PLCE1: variants seen among roughly 807,000 people sequenced by gnomAD.
PLCE1 encodes the protein 1-phosphatidylinositol 4,5-bisphosphate phosphodiesterase epsilon-1.
In PLCE1, 119 loss-of-function variants were observed where a neutral mutation model predicts 242.8. The ratio of observed to expected loss-of-function variants is 0.49; its 90% CI spans 0.42 to 0.57. The LOEUF is 0.57. Ranked by LOEUF, PLCE1 falls within the 20% of genes least tolerant of loss-of-function variation. The probability of loss-of-function intolerance (pLI) is 0.00; values close to 1 mark genes in which losing one functional copy is unlikely to be tolerated. For synonymous variants in PLCE1, 945 were observed against 1,017.4 expected (o/e 0.93, Z 1.35); for missense variants, 2,441 against 2,788.8 (o/e 0.88, Z 2.81).
Position 94,262,577 on chromosome 10 carries a change from G to A in PLCE1, c.3898G>A (p.Asp1300Asn). 1 of 1,614,018 alleles carries A rather than the reference G, an allele frequency of 6.2e-7. No homozygotes were observed. The highest frequency in any genetic ancestry group is 8.5e-7 in the Non-Finnish European group (1 of 1,179,870). ...ATCGGACAACCAGAGGCAGATATCT[G>A]ATGCCATTGCTGCTGCAAGCATTGT... ...QLSDNQRQISDAIAAASIVTN... is the reference protein window; with the variant it reads ...QLSDNQRQISNAIAAASIVTN... The change falls in exon 14 of 33, where the codon GAT becomes AAT. Residue 1300 changes from aspartate (D) to asparagine (N), a missense_variant. Coordinates refer to ENST00000371380, the MANE Select transcript of PLCE1 (RefSeq NM_016341.4).
chr10:94,121,409 A>T (rs1323778154), intron 2 of PLCE1, among the ~76,000 whole-genome samples: 1 of 152,138 alleles, frequency 6.6e-6, no homozygotes, highest in Non-Finnish European at 1.5e-5. Flanking sequence ...ATGCTACCAA[A>T]TAGCTAGGAG....
rs980868885 is a variant in PLCE1 at position 94,321,850 on chromosome 10, T to C, written c.6343-51T>C. ...AGATTTTTGCTAGATTTGTCTTTCT[T>C]TATTCTGCATAAACCTATTATTTAC... On this transcript the variant is annotated intron_variant, in intron 29 of 32. Transcript: ENST00000371380. 2.1e-6 allele frequency: 3 copies of C among 1,431,346 alleles called. No individual in the cohort carries two copies. The African/African-American group carries it at 4.2e-5, about 20-fold the overall frequency. The allele number at this position is 1,431,346 out of a possible 1,614,324, so 88.7% of individuals were successfully genotyped here. A position where few individuals can be genotyped will look rare whatever the true frequency, so the allele number is the denominator to read the frequency against.
At chr10:94,036,376 C>G (rs17506505) in intron 2 of PLCE1, among the ~76,000 whole-genome samples, 2,887 of 152,292 alleles carry the variant, frequency 0.019, 33 homozygotes, top group Middle Eastern at 0.027. Flanking sequence ...CAATCCTTCC[C>G]ACACATTTAA....
At chr10:94,160,709 AATGGTATTGCC>A (rs1179363854) in intron 3 of PLCE1, among the ~76,000 whole-genome samples, 1 of 152,074 alleles carries the variant, frequency 6.6e-6, no homozygotes, top group Non-Finnish European at 1.5e-5. Flanking sequence ...CTATGTCCTG[AATGGTATTGCC>A]TAGGTTTTCT....
At chr10:94,207,553 GTA>G (rs1554884277) in intron 4 of PLCE1, among the ~76,000 whole-genome samples, 3 of 120,808 alleles carry the variant, frequency 2.5e-5, no homozygotes, top group African/African-American at 9.1e-5. Context: ...GTGTGTGTGT[GTA>G]TAGACTTTTT....
chr10:94,159,019 G>A (rs946046590), intron 3 of PLCE1, among the ~76,000 whole-genome samples: 9 of 151,256 alleles, frequency 6.0e-5, no homozygotes, highest in African/African-American at 1.5e-4. Context: ...TATTTTCCAC[G>A]TTTTCACAGT....
At chr10:94,284,481 C>G (rs1299033418) in intron 21 of PLCE1, among the ~76,000 whole-genome samples, 1 of 152,156 alleles carries the variant, frequency 6.6e-6, no homozygotes, top group Non-Finnish European at 1.5e-5. Flanking sequence ...TTTATAGACT[C>G]TGAGCAAATC....
rs753613487 is a variant in PLCE1 at position 94,259,007 on chromosome 10, C to T, written c.3678-7C>T. On this transcript the variant is annotated splice_region_variant and splice_polypyrimidine_tract_variant and intron_variant, in intron 12 of 32. Transcript: ENST00000371380. ...TCAATGAGAGGTGTTTTCCATTCCT[C>T]ATTCAGTGTCAGGAGCCGCAAGGAC... The T allele has an allele frequency of 5.6e-6, 9 of 1,613,972 alleles. No homozygotes were observed. In the African/African-American group the frequency reaches 9.3e-5, roughly 17 times the overall value.
rs746486644 is a variant in PLCE1, at chr10:94,252,319, G to A, written c.3100G>A (p.Asp1034Asn). 10 of 1,614,022 alleles carry A rather than the reference G, an allele frequency of 6.2e-6. No homozygotes were observed. Among genetic ancestry groups the A allele is most frequent in the Non-Finnish European group, 8.5e-6 (10 of 1,179,926 alleles). The stretch of plus-strand genomic sequence containing the variant: ...TCACCATGTGGCTCTTTCACAGGAG[G>A]ATGGACGGTATGAAGGCCCAACTTT... ...RKQYVSLYQEDGRYEGPTLAH... is the reference protein window; with the variant it reads ...RKQYVSLYQENGRYEGPTLAH... The change falls in exon 9 of 33, where the codon GAT becomes AAT. Residue 1034 changes from aspartate (D) to asparagine (N), a missense_variant. Physicochemically the swap from Asp to Asn is conservative, Grantham distance 23 (BLOSUM62 1). Transcript: ENST00000371380.
intron 3 of PLCE1, among the ~76,000 whole-genome samples, chr10:94,133,135 A>C (rs1399286794): frequency 6.6e-6 from 1 of 152,176 alleles, no homozygotes; most frequent in Non-Finnish European, 1.5e-5. Context: ...TCATATTGAA[A>C]ACCCACTGTG....
intron 2 of PLCE1, among the ~76,000 whole-genome samples, chr10:94,035,040 A>G (rs1203483820): frequency 6.6e-6 from 1 of 152,090 alleles, no homozygotes; most frequent in Non-Finnish European, 1.5e-5. Context: ...ATTCCACATG[A>G]AACCTGAGTC....
At position 93,998,040 on chromosome 10, in the gene PLCE1, T is replaced by A. The variant is rs572429553; in HGVS notation, c.-365+3782T>A. Among the ~76,000 whole-genome samples the A allele has an allele frequency of 8.2e-4, 125 of 152,358 alleles. 1 individual carries two copies. The highest frequency in any genetic ancestry group is 1.7e-3 in the Non-Finnish European group (116 of 68,040). ...GGACTACCAGGATTGTAAGCCCTCC[T>A]GGCGTGTTTTTGGAGGGTCTGCATC... On this transcript the variant is annotated intron_variant, in intron 1 of 32. Coordinates refer to ENST00000371380, the MANE Select transcript of PLCE1 (RefSeq NM_016341.4).
intron 4 of PLCE1, among the ~76,000 whole-genome samples, chr10:94,180,835 A>C (rs1290641308): frequency 6.6e-6 from 1 of 152,244 alleles, no homozygotes; most frequent in Non-Finnish European, 1.5e-5. Context: ...ATGTGAGGAC[A>C]CAGTGTCCCC....
Position 94,316,616 on chromosome 10 carries a change from A to G in PLCE1, c.6202A>G (p.Ile2068Val), listed in dbSNP as rs780749041. ...DYFLMEEKYF[I>V]SKEKNECRKQ... ...TTTTTTGATGGAAGAAAAATATTTT[A>G]TATCTAAAGAAAAGAATGAATGTAG... Residue 2068 changes from isoleucine (I) to valine (V), a missense_variant, in exon 29 of 33, where the codon ATA becomes GTA. Physicochemically the swap from Ile to Val is conservative, Grantham distance 29 (BLOSUM62 3). Around this residue, in one of 5 missense-constraint regions of PLCE1, gnomAD observed 310 missense variants for 317.2 expected, o/e 0.98. Coordinates refer to ENST00000371380, the MANE Select transcript of PLCE1 (RefSeq NM_016341.4). The G allele has an allele frequency of 7.5e-6, 12 of 1,607,684 alleles. No individual in the cohort carries two copies. The highest frequency in any genetic ancestry group is 1.1e-5 in the South Asian group (1 of 90,844).
chr10:94,134,650 GC>G (rs2046709820), intron 3 of PLCE1, among the ~76,000 whole-genome samples: 1 of 152,188 alleles, frequency 6.6e-6, no homozygotes. Context: ...TCTCTAGGCT[GC>G]CCAACCAAGG....
In PLCE1 at chr10:94,316,619, T is replaced by C; in HGVS notation, c.6205T>C (p.Ser2069Pro). ...YFLMEEKYFI[S>P]KEKNECRKQP... ...TTTGATGGAAGAAAAATATTTTATATCTAAAGAAAAGAATGAATGTAGGAA... is the reference window on the plus strand; with the variant it reads ...TTTGATGGAAGAAAAATATTTTATACCTAAAGAAAAGAATGAATGTAGGAA... Residue 2069 changes from serine (S) to proline (P), a missense_variant, in exon 29 of 33, where the codon TCT (serine) becomes CCT (proline). Physicochemically the swap from Ser to Pro is moderately conservative, Grantham distance 74. Transcript: ENST00000371380. 6.2e-7 allele frequency: 1 copy of C among 1,608,308 alleles called. No individual in the cohort carries two copies. Among genetic ancestry groups the C allele is most frequent in the African/African-American group, 1.3e-5 (1 of 74,906 alleles).
intron 27 of PLCE1, 117 bp downstream of exon 27, chr10:94,308,816 T>A: frequency 1.3e-6 from 1 of 775,814 alleles, no homozygotes; most frequent in Non-Finnish European, 2.3e-6. Flanking sequence ...CTATGGAAAT[T>A]AATAACAATA....
At position 94,120,307 on chromosome 10, in the gene PLCE1, TCTA is replaced by T. The variant is rs1343786001; in HGVS notation, c.1207-11865_1207-11863del. 3.3e-5 allele frequency among the ~76,000 whole-genome samples: 5 copies of T among 152,340 alleles called. No homozygotes were observed. The East Asian group carries it at 9.6e-4, about 29-fold the overall frequency. ...TCACTAACAGGTTGTTGAATATGGC[TCTA>T]CCCTTGGATGAAACTTGAAGGTCTG... On this transcript the variant is annotated intron_variant, in intron 2 of 32. Transcript: ENST00000371380.
intron 7 of PLCE1, among the ~76,000 whole-genome samples, chr10:94,244,496 C>T (rs1237524041): frequency 6.6e-6 from 1 of 152,234 alleles, no homozygotes; most frequent in Admixed American, 6.5e-5. Context: ...CTTGCCTTCA[C>T]TGTTCTCTGA....
Sources: allele counts gnomAD v4.1 joint callset (sites outside exome capture counted in the v4.1 genomes callset), GRCh38; gene constraint gnomAD v4.1.1; regional missense constraint gnomAD v4.1.1; transcripts MANE v1.5; gene names NCBI Gene and HGNC (gene_info 2026-07-23, HGNC 2026-07-21).